SLC4A4: variants seen among roughly 807,000 people sequenced by gnomAD.
The protein encoded by SLC4A4 is solute carrier family 4 member 4, also known as electrogenic sodium bicarbonate cotransporter 1.
Under a neutral mutation model 111.5 loss-of-function variants are expected in SLC4A4, and 27 were observed. That is an observed-to-expected ratio of 0.24 (90% confidence interval 0.18 to 0.33). The LOEUF (loss-of-function observed/expected upper bound fraction) is 0.33. Among genes scored for constraint, SLC4A4 ranks in the 10% least tolerant of loss-of-function variants. The probability of loss-of-function intolerance (pLI) is 1.00; values close to 1 mark genes in which losing one functional copy is unlikely to be tolerated. For missense variants in SLC4A4, 909 were observed against 1,315.5 expected (o/e 0.69, Z 4.78); for synonymous variants, 443 against 463.4 (o/e 0.96, Z 0.57).
intron 21 of SLC4A4, among the ~76,000 whole-genome samples, chr4:71,556,823 A>G (rs1253238583): frequency 6.6e-6 from 1 of 151,962 alleles, no homozygotes; most frequent in African/African-American, 2.4e-5. Context: ...GGTCTAATTT[A>G]CTTTTGCACT....
chr4:71,535,693 G>T (rs1322592572), intron 18 of SLC4A4, among the ~76,000 whole-genome samples: 1 of 152,068 alleles, frequency 6.6e-6, no homozygotes, highest in Non-Finnish European at 1.5e-5. Flanking sequence ...TCATGGGAAA[G>T]TTGCTAAAAC....
chr4:71,442,305 AG>A (rs1724804878), intron 8 of SLC4A4, among the ~76,000 whole-genome samples: 1 of 152,226 alleles, frequency 6.6e-6, no homozygotes, highest in East Asian at 1.9e-4. Context: ...GGGCTAGTGT[AG>A]AGGTAAAATA....
At chr4:71,162,865 T>A (rs191882169) in intron 2 of SLC4A4, among the ~76,000 whole-genome samples, 1 of 152,334 alleles carries the variant, frequency 6.6e-6, no homozygotes, top group Admixed American at 6.5e-5. Context: ...GTATTTCTTT[T>A]TCGCCTGCTC....
At chr4:71,324,557 A>C (rs750069433) in intron 3 of SLC4A4, among the ~76,000 whole-genome samples, 2 of 152,036 alleles carry the variant, frequency 1.3e-5, no homozygotes, top group Non-Finnish European at 2.9e-5. Flanking sequence ...CGTTTTAAAA[A>C]GAAAGATACA....
chr4:71,211,215 C>G (rs1399046525), intron 1 of SLC4A4, among the ~76,000 whole-genome samples: 1 of 152,146 alleles, frequency 6.6e-6, no homozygotes, highest in Non-Finnish European at 1.5e-5. Flanking sequence ...TTACTTACTC[C>G]TACAGATTTT....
intron 2 of SLC4A4, among the ~76,000 whole-genome samples, chr4:71,136,603 G>T (rs1158061425): frequency 2.0e-5 from 3 of 152,074 alleles, no homozygotes; most frequent in Non-Finnish European, 4.4e-5. Flanking sequence ...TAAGAGTAAG[G>T]GTTCTGCTGT....
At chr4:71,513,909 T>A (rs1159245378) in intron 16 of SLC4A4, among the ~76,000 whole-genome samples, 1 of 152,232 alleles carries the variant, frequency 6.6e-6, no homozygotes, top group East Asian at 1.9e-4. Context: ...TTGTTCTTTA[T>A]ACTGTTGATG....
chr4:71,308,157 A>G (rs1173794168), intron 3 of SLC4A4, among the ~76,000 whole-genome samples: 1 of 152,118 alleles, frequency 6.6e-6, no homozygotes, highest in African/African-American at 2.4e-5. Context: ...AGCCAACTGA[A>G]GTCTATACTT....
intron 12 of SLC4A4, among the ~76,000 whole-genome samples, chr4:71,454,420 C>T (rs1057105547): frequency 2.6e-5 from 4 of 152,132 alleles, no homozygotes; most frequent in Admixed American, 2.0e-4. Context: ...GTGATGAATA[C>T]GAGTAGTGAA....
intron 3 of SLC4A4, among the ~76,000 whole-genome samples, chr4:71,289,791 A>G (rs1724193091): frequency 1.3e-5 from 2 of 152,218 alleles, no homozygotes; most frequent in South Asian, 4.1e-4. Flanking sequence ...GACAATAAGC[A>G]AGACAACAAG....
intron 1 of SLC4A4, among the ~76,000 whole-genome samples, chr4:71,203,719 T>C (rs1215216590): frequency 6.6e-6 from 1 of 152,240 alleles, no homozygotes; most frequent in Non-Finnish European, 1.5e-5. Flanking sequence ...CTTGTTTATT[T>C]AAATAGAATG....
chr4:71,295,374 T>G (rs1264063553), intron 3 of SLC4A4, among the ~76,000 whole-genome samples: 1 of 152,156 alleles, frequency 6.6e-6, no homozygotes, highest in East Asian at 1.9e-4. Context: ...ACCCCTGGAC[T>G]GGTACTTTCA....
intron 12 of SLC4A4, among the ~76,000 whole-genome samples, chr4:71,462,730 T>C (rs1334703424): frequency 6.6e-6 from 1 of 152,084 alleles, no homozygotes; most frequent in African/African-American, 2.4e-5. Context: ...TTTAAATAAG[T>C]ACAGTACACA....
At chr4:71,368,976 C>T (rs1731592545) in intron 6 of SLC4A4, among the ~76,000 whole-genome samples, 1 of 152,156 alleles carries the variant, frequency 6.6e-6, no homozygotes, top group Admixed American at 6.5e-5. Context: ...ATGCTTCCAT[C>T]CTCATCCTTG....
intron 6 of SLC4A4, among the ~76,000 whole-genome samples, chr4:71,366,413 G>A (rs896310970): frequency 3.4e-5 from 5 of 148,472 alleles, no homozygotes; most frequent in Non-Finnish European, 7.5e-5. Context: ...TAGGATTGAT[G>A]GTTTTGGACA....
intron 13 of SLC4A4, among the ~76,000 whole-genome samples, chr4:71,469,817 A>G (rs1224181603): frequency 6.6e-6 from 1 of 151,928 alleles, no homozygotes; most frequent in Non-Finnish European, 1.5e-5. Context: ...CTACTGTAGT[A>G]TTGCTTAAGT....
At chr4:71,206,423 C>T (rs1057161425) in intron 1 of SLC4A4, among the ~76,000 whole-genome samples, 4 of 152,104 alleles carry the variant, frequency 2.6e-5, no homozygotes, top group Non-Finnish European at 5.9e-5. Flanking sequence ...CCAAAAGGCT[C>T]ATGGCCCCCC....
intron 1 of SLC4A4, among the ~76,000 whole-genome samples, chr4:71,076,725 T>C (rs1741843435): frequency 6.6e-6 from 1 of 152,196 alleles, no homozygotes; most frequent in Non-Finnish European, 1.5e-5. Flanking sequence ...GCACAGTGGC[T>C]GACACCTGTA....
chr4:71,555,829 G>A (rs1175628246), intron 21 of SLC4A4, among the ~76,000 whole-genome samples: 2 of 151,880 alleles, frequency 1.3e-5, no homozygotes, highest in African/African-American at 4.8e-5. Context: ...TTGAACCTGA[G>A]TTTTAGTCCA....
Sources: gnomAD v4.1 joint callset for allele counts (sites outside exome capture counted in the v4.1 genomes callset) on GRCh38, gnomAD v4.1.1 for gene constraint, MANE v1.5 for transcripts, NCBI Gene and HGNC (gene_info 2026-07-23, HGNC 2026-07-21) for gene names.